SERPING1: variants seen among roughly 807,000 people sequenced by gnomAD.
SERPING1 encodes the protein plasma protease C1 inhibitor.
SERPING1 carries 5 observed loss-of-function variants against 34.1 expected under a neutral mutation model. That is an observed-to-expected ratio of 0.15 (90% CI 0.08 to 0.31). The LOEUF is 0.31. Among genes scored for constraint, SERPING1 ranks in the 10% least tolerant of loss-of-function variants. The probability of loss-of-function intolerance (pLI) is 1.00; values close to 1 mark genes in which losing one functional copy is unlikely to be tolerated. For synonymous variants in SERPING1, 225 were observed against 242.4 expected (o/e 0.93, Z 0.67); for missense variants, 505 against 609.5 (o/e 0.83, Z 1.81).
At chr11:57,602,828 C>T (rs2432810) in intron 4 of SERPING1, among the ~76,000 whole-genome samples, 59,978 of 149,454 alleles carry the variant, frequency 0.4, 12,809 homozygotes, top group East Asian at 0.76. Flanking sequence ...GGCATGGTGG[C>T]TCTCATCTGT....
intron 4 of SERPING1, among the ~76,000 whole-genome samples, chr11:57,602,909 G>A (rs1048774769): frequency 1.3e-5 from 2 of 150,392 alleles, no homozygotes; most frequent in South Asian, 4.2e-4. Flanking sequence ...TGGGCAGCAT[G>A]GCGAAACCTG....
rs747078135 is a variant in SERPING1, at chr11:57,611,866, C to T, written c.1179C>T (p.Pro393=). Residue 393 remains proline, a synonymous_variant, in exon 7 of 8, where the codon CCC becomes CCT. Transcript: ENST00000278407. ...MEKLEMSKFQ[P]TLLTLPRIKV... ...AACTGGAGATGTCCAAGTTCCAGCCCACTCTCCTAACACTACCCCGCATCA... is the reference window on the plus strand; with the variant it reads ...AACTGGAGATGTCCAAGTTCCAGCCTACTCTCCTAACACTACCCCGCATCA... 4 of 1,614,164 alleles carry T rather than the reference C, an allele frequency of 2.5e-6. No individual in the cohort carries two copies. In the Admixed American group the frequency reaches 6.7e-5, roughly 27 times the overall value.
At position 57,598,302 on chromosome 11, in the gene SERPING1, T is replaced by C; in HGVS notation, c.32T>C (p.Leu11Pro). The change falls in exon 2 of 8, where the codon CTG becomes CCG. Residue 11 changes from leucine to proline, a missense_variant. Transcript: ENST00000278407. MASRLTLLTLLLLLLAGDRAS... is the reference protein window; with the variant it reads MASRLTLLTLPLLLLAGDRAS... ...TCCAGGCTGACCCTGCTGACCCTCC[T>C]GCTGCTGCTGCTGGCTGGGGTATGT... The C allele has an allele frequency of 6.6e-7, 1 of 1,518,142 alleles. No individual in the cohort carries two copies. Among genetic ancestry groups the C allele is most frequent in the Non-Finnish European group, 8.9e-7 (1 of 1,124,778 alleles). The allele number at this position is 1,518,142 out of a possible 1,614,324, so 94.0% of individuals were successfully genotyped here.
intron 1 of SERPING1, chr11:57,597,955 T>G: frequency 2.5e-6 from 1 of 396,266 alleles, no homozygotes; most frequent in Non-Finnish European, 4.7e-6. Context: ...GCCTCATTGT[T>G]TGGTTAAAGC....
chr11:57,606,335 T>TA, intron 5 of SERPING1, 73 bp from the exon 6 acceptor site: 1 of 1,605,314 alleles, frequency 6.2e-7, no homozygotes, highest in Non-Finnish European at 8.5e-7. Context: ...TACTCTTTGC[T>TA]AACAAGGCTT....
intron 6 of SERPING1, among the ~76,000 whole-genome samples, chr11:57,608,816 G>GT (rs368974252): frequency 0.23 from 31,674 of 139,802 alleles, 3,833 homozygotes; most frequent in Non-Finnish European, 0.29. Context: ...CCCAGCCTGA[G>GT]TTTTTTTTTT....
At chr11:57,613,863 G>A (rs1465014441) in intron 7 of SERPING1, among the ~76,000 whole-genome samples, 5 of 152,048 alleles carry the variant, frequency 3.3e-5, no homozygotes, top group Non-Finnish European at 7.4e-5. Context: ...TATGACCCAG[G>A]AAATTCCAAG....
intron 1 of SERPING1, chr11:57,597,997 C>G: frequency 2.0e-6 from 1 of 511,102 alleles, no homozygotes; most frequent in Admixed American, 3.3e-5. Context: ...CACCTCCCCT[C>G]CGACTGAACA....
At chr11:57,612,403 C>CTTTTTT (rs1175159358) in intron 7 of SERPING1, among the ~76,000 whole-genome samples, 3 of 135,230 alleles carry the variant, frequency 2.2e-5, no homozygotes, top group Non-Finnish European at 3.2e-5. Context: ...ACTCCATTTT[C>CTTTTTT]TTTTTTTTTT....
intron 6 of SERPING1, among the ~76,000 whole-genome samples, chr11:57,609,594 A>G (rs1456275466): frequency 6.6e-6 from 1 of 152,014 alleles, no homozygotes; most frequent in Non-Finnish European, 1.5e-5. Flanking sequence ...AAAAAAAAAT[A>G]GGGTGATTTT....
intron 2 of SERPING1, 161 bp from the exon 3 acceptor site, chr11:57,599,718 G>A (rs1945325685): frequency 3.2e-6 from 3 of 933,242 alleles, no homozygotes; most frequent in Non-Finnish European, 5.0e-6. Context: ...GGAATTAGTG[G>A]TGGTGGTTCT....
At chr11:57,598,444 G>A (rs900637150) in intron 2 of SERPING1, 123 bp downstream of exon 2, 2 of 947,056 alleles carry the variant, frequency 2.1e-6, no homozygotes, top group Non-Finnish European at 3.2e-6. Flanking sequence ...CTCCTCTTGG[G>A]ATCATTGAGT....
intron 4 of SERPING1, 133 bp downstream of exon 4, chr11:57,602,302 G>A (rs1945357483): frequency 4.7e-6 from 5 of 1,056,264 alleles, no homozygotes; most frequent in Non-Finnish European, 7.1e-6. Context: ...TGCAGAGCAG[G>A]TGAAGACCTT....
chr11:57,612,018 G>A (rs1183261242), intron 7 of SERPING1, 82 bp downstream of exon 7: 1 of 1,207,980 alleles, frequency 8.3e-7, no homozygotes, highest in Admixed American at 1.7e-5. Flanking sequence ...GCATTCTCTA[G>A]AGTATTTTTT....
chr11:57,605,738 T>G (rs1360225603), intron 4 of SERPING1: 1 of 505,380 alleles, frequency 2.0e-6, no homozygotes, highest in Non-Finnish European at 3.6e-6. Flanking sequence ...GAATTTAATA[T>G]CTCAAAAAGA....
In SERPING1 at chr11:57,600,075, C is replaced by G; in HGVS notation, c.248C>G (p.Thr83Ser). 6.2e-7 allele frequency: 1 copy of G among 1,613,870 alleles called. No individual in the cohort carries two copies. The highest frequency in any genetic ancestry group is 8.5e-7 in the Non-Finnish European group (1 of 1,179,846). ...GCCACCAAAATAACAGCTAATACCA[C>G]TGATGAACCCACCACACAACCCACC... ...NSATKITANT[T>S]DEPTTQPTTE... The change falls in exon 3 of 8, where the codon ACT (threonine) becomes AGT (serine). Residue 83 changes from threonine to serine, a missense_variant. Physicochemically the swap from Thr to Ser is moderately conservative, Grantham distance 58. Transcript: ENST00000278407.
chr11:57,598,228 C>A (rs1290458878), intron 1 of SERPING1, 21 bp from the exon 2 acceptor site: 8 of 1,535,532 alleles, frequency 5.2e-6, no homozygotes, highest in Non-Finnish European at 6.2e-6. Context: ...GAGCTGGCTC[C>A]GAGGCTGGCT....
intron 6 of SERPING1, among the ~76,000 whole-genome samples, chr11:57,608,742 A>G (rs1449537237): frequency 6.7e-6 from 1 of 150,104 alleles, no homozygotes; most frequent in Non-Finnish European, 1.5e-5. Context: ...TGAACTCCTG[A>G]CCTCAAGTGC....
chr11:57,605,939 C>T (rs1274467893), intron 4 of SERPING1, 71 bp from the exon 5 acceptor site: 2 of 1,372,520 alleles, frequency 1.5e-6, no homozygotes, highest in Non-Finnish European at 2.1e-6. Flanking sequence ...AGCATGCTCA[C>T]TCTCAAATCG....
Sources: gnomAD v4.1 joint callset for allele counts (sites outside exome capture counted in the v4.1 genomes callset) on GRCh38, gnomAD v4.1.1 for gene constraint, MANE v1.5 for transcripts, NCBI Gene and HGNC (gene_info 2026-07-23, HGNC 2026-07-21) for gene names.